Variants in RAD51B observed in about 807,000 individuals in gnomAD.
The protein encoded by RAD51B is RAD51 paralog B, also known as DNA repair protein RAD51 homolog 2.
RAD51B carries 38 observed loss-of-function variants against 42.2 expected under a neutral mutation model. The ratio of observed to expected loss-of-function variants is 0.90; its 90% confidence interval spans 0.70 to 1.18. RAD51B has a LOEUF of 1.18. Ranked by LOEUF, RAD51B falls within the 50% of genes most tolerant of loss-of-function variation. RAD51B has a pLI of 0.00. For missense variants in RAD51B, 373 were observed against 400.7 expected (o/e 0.93, Z 0.59); for synonymous variants, 154 against 145.2 (o/e 1.06, Z -0.43).
intron 7 of RAD51B, among the ~76,000 whole-genome samples, chr14:67,935,791 G>A (rs1206158756): frequency 2.0e-5 from 3 of 152,056 alleles, no homozygotes; most frequent in Non-Finnish European, 4.4e-5. Context: ...GCTCCTTCAG[G>A]ATCTAGGGCC....
At chr14:68,669,640 A>G (rs1022949125) in intron 11 of RAD51B, among the ~76,000 whole-genome samples, 2 of 151,808 alleles carry the variant, frequency 1.3e-5, no homozygotes, top group African/African-American at 4.8e-5. Context: ...ACACACACAC[A>G]CACACACACA....
chr14:68,642,283 T>C (rs1461747770), intron 10 of RAD51B, among the ~76,000 whole-genome samples: 2 of 152,254 alleles, frequency 1.3e-5, no homozygotes, highest in African/African-American at 4.8e-5. Context: ...ATTTCTTTAA[T>C]AGATATAGAC....
intron 8 of RAD51B, among the ~76,000 whole-genome samples, chr14:68,344,166 C>G (rs1047182000): frequency 6.6e-6 from 1 of 152,172 alleles, no homozygotes; most frequent in African/African-American, 2.4e-5. Flanking sequence ...CCCGCCACGT[C>G]CCAGAATGGT....
At chr14:68,575,025 A>G (rs1889899016) in intron 10 of RAD51B, among the ~76,000 whole-genome samples, 1 of 152,170 alleles carries the variant, frequency 6.6e-6, no homozygotes, top group South Asian at 2.1e-4. Flanking sequence ...TCATACATCC[A>G]AGTATGTTCT....
intron 7 of RAD51B, among the ~76,000 whole-genome samples, chr14:68,237,134 T>A (rs910213971): frequency 1.3e-4 from 19 of 151,980 alleles, no homozygotes; most frequent in Non-Finnish European, 2.5e-4. Context: ...TGGAAAAAAA[T>A]TTTTTTGCTG....
chr14:68,381,549 G>A (rs1456932383), intron 8 of RAD51B, among the ~76,000 whole-genome samples: 3 of 152,016 alleles, frequency 2.0e-5, no homozygotes, highest in East Asian at 1.9e-4. Context: ...GGTGGCGGGC[G>A]CCTTTAGTCC....
At chr14:68,488,618 A>C (rs904778048) in intron 10 of RAD51B, among the ~76,000 whole-genome samples, 2 of 152,170 alleles carry the variant, frequency 1.3e-5, no homozygotes, top group African/African-American at 4.8e-5. Flanking sequence ...ATGTCAGTTT[A>C]GCGGGAATCC....
At chr14:68,292,882 G>C (rs1459812996) in intron 8 of RAD51B, among the ~76,000 whole-genome samples, 1 of 152,180 alleles carries the variant, frequency 6.6e-6, no homozygotes, top group Non-Finnish European at 1.5e-5. Flanking sequence ...ACAATGCTTT[G>C]TGTACGCTCC....
chr14:68,623,348 A>G (rs1423076414), intron 10 of RAD51B, among the ~76,000 whole-genome samples: 2 of 152,234 alleles, frequency 1.3e-5, no homozygotes, highest in Admixed American at 6.5e-5. Context: ...ACCTGTCCGT[A>G]ATGAACAGCA....
intron 9 of RAD51B, among the ~76,000 whole-genome samples, chr14:68,454,076 C>T (rs2085623101): frequency 1.3e-5 from 2 of 152,064 alleles, no homozygotes; most frequent in South Asian, 4.1e-4. Flanking sequence ...GTGACAGATT[C>T]AATTAAAGAG....
intron 10 of RAD51B, among the ~76,000 whole-genome samples, chr14:68,580,116 C>A (rs898080527): frequency 3.3e-5 from 5 of 152,218 alleles, no homozygotes; most frequent in Non-Finnish European, 7.3e-5. Flanking sequence ...TGCCCTGAGA[C>A]CCCCGCTGGC....
intron 2 of RAD51B, among the ~76,000 whole-genome samples, chr14:67,824,007 G>A (rs2040724183): frequency 6.6e-6 from 1 of 152,200 alleles, no homozygotes; most frequent in Non-Finnish European, 1.5e-5. Flanking sequence ...GAAATATATA[G>A]AGCGGATCTT....
chr14:68,417,430 C>T (rs975377928), intron 9 of RAD51B, among the ~76,000 whole-genome samples: 2 of 152,176 alleles, frequency 1.3e-5, no homozygotes, highest in Non-Finnish European at 2.9e-5. Flanking sequence ...CCTCCCTTTC[C>T]AGAGCTGCTC....
intron 10 of RAD51B, among the ~76,000 whole-genome samples, chr14:68,602,046 C>T (rs1891239658): frequency 6.6e-6 from 1 of 152,134 alleles, no homozygotes; most frequent in Admixed American, 6.5e-5. Flanking sequence ...AAGCCCATCC[C>T]TGGGCAGAAA....
At chr14:68,302,903 A>G (rs1043397614) in intron 8 of RAD51B, among the ~76,000 whole-genome samples, 7 of 152,162 alleles carry the variant, frequency 4.6e-5, no homozygotes, top group African/African-American at 1.7e-4. Flanking sequence ...TAAACCCACA[A>G]CCTTCCAGCG....
chr14:68,538,149 C>T (rs1887750075), intron 10 of RAD51B, among the ~76,000 whole-genome samples: 1 of 152,256 alleles, frequency 6.6e-6, no homozygotes, highest in African/African-American at 2.4e-5. Context: ...TTCTGGGTCC[C>T]AGGTTCCCAG....
chr14:68,097,981 C>T (rs1474294722), intron 7 of RAD51B, among the ~76,000 whole-genome samples: 3 of 152,168 alleles, frequency 2.0e-5, no homozygotes, highest in African/African-American at 7.2e-5. Flanking sequence ...TGCAGAACAT[C>T]TCACTGAAGC....
intron 9 of RAD51B, among the ~76,000 whole-genome samples, chr14:68,457,637 T>G (rs2140204738): frequency 6.6e-6 from 1 of 152,166 alleles, no homozygotes. Context: ...TCTAGCTTTG[T>G]TGCCAGGCTG....
chr14:67,938,884 A>C (rs1475963397), intron 7 of RAD51B, among the ~76,000 whole-genome samples: 1 of 152,142 alleles, frequency 6.6e-6, no homozygotes, highest in Non-Finnish European at 1.5e-5. Context: ...ACTTATACTG[A>C]TTTGCCATCT....
Sources: gnomAD v4.1 joint callset for allele counts (sites outside exome capture counted in the v4.1 genomes callset) on GRCh38, gnomAD v4.1.1 for gene constraint, MANE v1.5 for transcripts, NCBI Gene and HGNC (gene_info 2026-07-23, HGNC 2026-07-21) for gene names.